SLC4A10: variants seen among roughly 807,000 people sequenced by gnomAD.
The protein encoded by SLC4A10 is solute carrier family 4 member 10, also known as sodium-driven chloride bicarbonate exchanger.
Under a neutral mutation model 137.7 loss-of-function variants are expected in SLC4A10, and 42 were observed. The ratio of observed to expected loss-of-function variants is 0.30; its 90% CI spans 0.24 to 0.39. The LOEUF (loss-of-function observed/expected upper bound fraction) is 0.39, where lower values mean the gene tolerates loss of function less well. SLC4A10 is among the 10% of genes least tolerant of loss of function. The probability of loss-of-function intolerance (pLI) is 1.00; values close to 1 mark genes in which losing one functional copy is unlikely to be tolerated. For synonymous variants in SLC4A10, 474 were observed against 464.1 expected (o/e 1.02, Z -0.27); for missense variants, 925 against 1,355.0 (o/e 0.68, Z 4.98).
chr2:161,718,115 T>C (rs1439298051), intron 1 of SLC4A10, among the ~76,000 whole-genome samples: 1 of 152,204 alleles, frequency 6.6e-6, no homozygotes, highest in Non-Finnish European at 1.5e-5. Context: ...TAGTATTCTC[T>C]GATGGTTGTT....
chr2:161,807,403 A>T lies in SLC4A10; in HGVS notation c.277+2808A>T, dbSNP rs558802273. ...TGAGAACCTGGCTCTCAGTTCCTTG[A>T]CCATCCCATCTCTTATGACCTTCTC... is the stretch of plus-strand genomic sequence containing the variant. On this transcript the variant is annotated intron_variant, in intron 3 of 26. Coordinates refer to ENST00000446997, the MANE Select transcript of SLC4A10 (RefSeq NM_001178015.2). Among the ~76,000 whole-genome samples, 6 of 152,258 alleles carry T rather than the reference A, an allele frequency of 3.9e-5. No homozygotes were observed. In the East Asian group the frequency reaches 1.2e-3, roughly 29 times the overall value.
intron 15 of SLC4A10, among the ~76,000 whole-genome samples, chr2:161,929,646 G>T (rs1003494329): frequency 6.6e-6 from 1 of 152,142 alleles, no homozygotes; most frequent in Non-Finnish European, 1.5e-5. Context: ...TGTTTAGTTA[G>T]TTGGGATTCC....
At chr2:161,767,311 T>C (rs556209116) in intron 1 of SLC4A10, among the ~76,000 whole-genome samples, 1 of 149,378 alleles carries the variant, frequency 6.7e-6, no homozygotes, top group Admixed American at 6.8e-5. Context: ...TAAAACATAA[T>C]GTGTGTTAGT....
At chr2:161,790,974 C>G (rs2054135724) in intron 2 of SLC4A10, among the ~76,000 whole-genome samples, 1 of 152,104 alleles carries the variant, frequency 6.6e-6, no homozygotes, top group South Asian at 2.1e-4. Flanking sequence ...ACAACAGATG[C>G]TGGTGAGGTT....
rs765321422 is a variant in SLC4A10, at chr2:161,965,043, T to C, written c.3037-8T>C. ...TTCCACTTTAAACTAGTTTATTATT[T>C]ACTTCAGGTGTTAGCCCTGGTATTT... On this transcript the variant is annotated splice_polypyrimidine_tract_variant and splice_region_variant and intron_variant, in intron 22 of 26. Transcript: ENST00000446997. 7 of 1,607,870 alleles carry C rather than the reference T, an allele frequency of 4.4e-6. No homozygotes were observed. In the South Asian group the frequency reaches 7.8e-5, roughly 18 times the overall value.
At chr2:161,708,880 T>C in intron 1 of SLC4A10, 2 of 1,495,994 alleles carry the variant, frequency 1.3e-6, no homozygotes, top group Non-Finnish European at 1.8e-6. Flanking sequence ...GGTGCTTGCT[T>C]TTTCTAGTTC....
intron 2 of SLC4A10, among the ~76,000 whole-genome samples, chr2:161,791,826 C>T (rs2054244964): frequency 6.6e-6 from 1 of 152,040 alleles, no homozygotes; most frequent in African/African-American, 2.4e-5. Flanking sequence ...TCTGCTTTTA[C>T]CATGCATTTT....
intron 1 of SLC4A10, among the ~76,000 whole-genome samples, chr2:161,750,394 C>T (rs1473536972): frequency 6.6e-6 from 1 of 151,480 alleles, no homozygotes; most frequent in East Asian, 1.9e-4. Flanking sequence ...ATTAATTTCT[C>T]TCTTAGTACT....
chr2:161,943,680 T>C (rs1312340521), intron 16 of SLC4A10, among the ~76,000 whole-genome samples: 1 of 152,024 alleles, frequency 6.6e-6, no homozygotes, highest in African/African-American at 2.4e-5. Flanking sequence ...TTCTTTTCTA[T>C]TCTTCCCAGC....
Position 161,722,661 on chromosome 2 carries a change from G to T in SLC4A10, c.49-48312G>T, listed in dbSNP as rs551446389. Among the ~76,000 whole-genome samples the T allele has an allele frequency of 3.9e-5, 6 of 152,226 alleles. No individual in the cohort carries two copies. In the East Asian group the frequency reaches 7.8e-4, roughly 20 times the overall value. On this transcript the variant is annotated intron_variant, in intron 1 of 26. Transcript: ENST00000446997. ...CCCCAAGTCAAGAGGCATGGGATCA[G>T]GGACTCACTTAACGAAGCACTCTGG...
chr2:161,712,646 T>C (rs2044414107), intron 1 of SLC4A10, among the ~76,000 whole-genome samples: 1 of 151,868 alleles, frequency 6.6e-6, no homozygotes, highest in Non-Finnish European at 1.5e-5. Flanking sequence ...TATAATATTT[T>C]GAATTGCTGG....
chr2:161,912,953 C>T (rs1046920194), intron 15 of SLC4A10, among the ~76,000 whole-genome samples: 9 of 151,952 alleles, frequency 5.9e-5, no homozygotes, highest in South Asian at 4.1e-4. Context: ...GTCGCTAAAA[C>T]GATACCAGAA....
At chr2:161,637,807 C>G (rs994840064) in intron 1 of SLC4A10, among the ~76,000 whole-genome samples, 5 of 152,096 alleles carry the variant, frequency 3.3e-5, no homozygotes, top group African/African-American at 1.2e-4. Flanking sequence ...GCCACTCTAA[C>G]TGGAGTGATA....
At chr2:161,827,817 G>C (rs866602687) in intron 3 of SLC4A10, among the ~76,000 whole-genome samples, 1 of 152,076 alleles carries the variant, frequency 6.6e-6, no homozygotes. Flanking sequence ...CGCCCTTCTC[G>C]GCCTCCCAAA....
chr2:161,810,804 A>C (rs1314369020), intron 3 of SLC4A10, among the ~76,000 whole-genome samples: 2 of 152,002 alleles, frequency 1.3e-5, no homozygotes, highest in Admixed American at 1.3e-4. Flanking sequence ...TATGTTCATC[A>C]GGGAGTTTAG....
At chr2:161,653,491 C>T (rs1574123759) in intron 1 of SLC4A10, among the ~76,000 whole-genome samples, 1 of 152,208 alleles carries the variant, frequency 6.6e-6, no homozygotes, top group East Asian at 1.9e-4. Context: ...CATTTTTCCA[C>T]ATCCTCTCCA....
chr2:161,878,419 T>G (rs1343777026), intron 8 of SLC4A10, among the ~76,000 whole-genome samples: 2 of 152,180 alleles, frequency 1.3e-5, no homozygotes, highest in African/African-American at 4.8e-5. Flanking sequence ...GACTTCACCC[T>G]TTATTCTTAG....
intron 1 of SLC4A10, among the ~76,000 whole-genome samples, chr2:161,631,810 A>G (rs914118617): frequency 2.0e-5 from 3 of 151,702 alleles, no homozygotes; most frequent in Non-Finnish European, 3.0e-5. Context: ...AGTAGCTCAG[A>G]ACTCGAGAGG....
chr2:161,708,279 ATAAAGCC>A (rs2043904755), intron 1 of SLC4A10, among the ~76,000 whole-genome samples: 1 of 151,518 alleles, frequency 6.6e-6, no homozygotes, highest in Admixed American at 6.6e-5. Flanking sequence ...TTGGTAAGTC[ATAAAGCC>A]TAAAGCTTAG....
Sources: gnomAD v4.1 joint callset for allele counts (sites outside exome capture counted in the v4.1 genomes callset) on GRCh38, gnomAD v4.1.1 for gene constraint, MANE v1.5 for transcripts, NCBI Gene and HGNC (gene_info 2026-07-23, HGNC 2026-07-21) for gene names.